Variants in COG4 observed in about 807,000 individuals in gnomAD.
The protein encoded by COG4 is component of oligomeric golgi complex 4, also known as conserved oligomeric Golgi complex subunit 4.
COG4 carries 65 observed loss-of-function variants against 95.1 expected under a neutral mutation model. The observed-to-expected ratio is 0.68, with a 90% CI of 0.56 to 0.84. The LOEUF is 0.84. Ranked by LOEUF, COG4 falls within the 40% of genes least tolerant of loss-of-function variation. The pLI is 0.00. For synonymous variants in COG4, 421 were observed against 374.8 expected, an observed-to-expected ratio of 1.12 and a Z score of -1.42; for missense variants, 1,045 against 989.1, an observed-to-expected ratio of 1.06 and a Z score of -0.76.
intron 5 of COG4, among the ~76,000 whole-genome samples, chr16:70,511,895 G>A (rs2049714738): frequency 6.6e-6 from 1 of 151,548 alleles, no homozygotes; most frequent in South Asian, 2.1e-4. Flanking sequence ...TCATGCCATT[G>A]TACTCCAGCC....
At chr16:70,485,799 G>A (rs1597656749) in intron 13 of COG4, among the ~76,000 whole-genome samples, 1 of 151,776 alleles carries the variant, frequency 6.6e-6, no homozygotes, top group East Asian at 1.9e-4. Flanking sequence ...TGGCCAGGCT[G>A]GTCTTGAACT....
chr16:70,512,284 C>G lies in COG4; in HGVS notation c.693G>C (p.Leu231Phe). 1 of 1,614,184 alleles carries G rather than the reference C, an allele frequency of 6.2e-7. No homozygotes were observed. Among genetic ancestry groups the G allele is most frequent in the Non-Finnish European group, 8.5e-7 (1 of 1,180,034 alleles). Residue 231 changes from leucine (L) to phenylalanine (F), a missense_variant, in exon 5 of 19, where the codon TTG becomes TTC. Physicochemically the swap from Leu to Phe is conservative, Grantham distance 22 (BLOSUM62 0). Transcript: ENST00000323786. Reference protein sequence around the residue: ...RFFKIFPLLGLHEEGLRKFSE... With the variant: ...RFFKIFPLLGFHEEGLRKFSE... Reference sequence around the variant, plus strand: ...AGAACTTTCTTAATCCCTCCTCATGCAAACCCAGCAGTGGGAAGATCTTGA... The same window carrying G: ...AGAACTTTCTTAATCCCTCCTCATGGAAACCCAGCAGTGGGAAGATCTTGA...
rs772226017 is a variant in COG4 at position 70,496,261 on chromosome 16, C to A, written c.1647+5G>T. 6.2e-7 allele frequency: 1 copy of A among 1,614,020 alleles called. No individual in the cohort carries two copies. The highest frequency in any genetic ancestry group is 1.3e-5 in the African/African-American group (1 of 74,920). ...AACCCAGCTCGTGAGCTGTGGGGTA[C>A]CTACCAGGAAGGACATCTTCGCCTC... On this transcript the variant is annotated splice_donor_5th_base_variant and intron_variant, in intron 12 of 18. Coordinates refer to ENST00000323786, the MANE Select transcript of COG4 (RefSeq NM_015386.3).
intron 13 of COG4, among the ~76,000 whole-genome samples, chr16:70,488,496 C>A (rs1364192625): frequency 1.3e-5 from 2 of 152,104 alleles, no homozygotes; most frequent in Admixed American, 1.3e-4. Context: ...TGGCCTCAAG[C>A]AATCCTCCTG....
chr16:70,497,145 G>C, intron 11 of COG4, 76 bp downstream of exon 11: 1 of 1,377,126 alleles, frequency 7.3e-7, no homozygotes, highest in South Asian at 1.2e-5. Flanking sequence ...GAGGACAAAG[G>C]GCAGAAACAA....
intron 12 of COG4, 150 bp from the exon 13 acceptor site, chr16:70,490,542 C>T: frequency 1.4e-6 from 1 of 718,860 alleles, no homozygotes; most frequent in South Asian, 1.4e-5. Flanking sequence ...CACACTGCTA[C>T]ATCTGAGCAG....
chr16:70,490,958 G>A (rs746074875), intron 12 of COG4, among the ~76,000 whole-genome samples: 4 of 151,594 alleles, frequency 2.6e-5, no homozygotes, highest in Admixed American at 6.6e-5. Context: ...TGCGCCCGGC[G>A]AGGTTTCAGG....
chr16:70,499,274 T>C (rs1567381240), intron 9 of COG4, among the ~76,000 whole-genome samples: 1 of 152,220 alleles, frequency 6.6e-6, no homozygotes, highest in Non-Finnish European at 1.5e-5. Flanking sequence ...TGAATTTGAA[T>C]TCATGAATGG....
chr16:70,486,841 C>A (rs1033669790), intron 13 of COG4, among the ~76,000 whole-genome samples: 8 of 151,782 alleles, frequency 5.3e-5, no homozygotes, highest in African/African-American at 1.2e-4. Context: ...CTAAAAAATA[C>A]AAAAATTAGC....
At chr16:70,501,233 T>C (rs2049443470) in intron 8 of COG4, 142 bp from the exon 9 acceptor site, 2 of 814,256 alleles carry the variant, frequency 2.5e-6, no homozygotes, top group South Asian at 3.0e-5. Context: ...CTAGCTCTGC[T>C]GGCCCAATTA....
chr16:70,519,785 G>T, intron 1 of COG4, 54 bp from the exon 2 acceptor site: 3 of 1,322,044 alleles, frequency 2.3e-6, no homozygotes, highest in Non-Finnish European at 2.2e-6. Flanking sequence ...AACCTTAAGA[G>T]TTATCTAATC....
chr16:70,519,631 T>C lies in COG4; in HGVS notation c.254+18A>G, dbSNP rs1230559748. 1 of 1,595,692 alleles carries C rather than the reference T, an allele frequency of 6.3e-7. No homozygotes were observed. Among genetic ancestry groups the C allele is most frequent in the African/African-American group, 1.3e-5 (1 of 74,560 alleles). ...TGTTGGAATTTACATTAGCTCTTGC[T>C]GAGATGCACAGACTCACCCCATTCG... On this transcript the variant is annotated intron_variant, in intron 2 of 18. Coordinates refer to ENST00000323786, the MANE Select transcript of COG4 (RefSeq NM_015386.3).
chr16:70,514,069 G>C (rs2151761423), intron 4 of COG4, among the ~76,000 whole-genome samples: 1 of 152,212 alleles, frequency 6.6e-6, no homozygotes, highest in South Asian at 2.1e-4. Context: ...CATTAGTGAG[G>C]TGTGGTGGTG....
Position 70,483,272 on chromosome 16 carries a change from TCTCTCCTCTCCCCACCCCATCCTC to T in COG4, c.1828-475_1828-452del, listed in dbSNP as rs1373082974. On this transcript the variant is annotated intron_variant, in intron 14 of 18. Transcript: ENST00000323786. The stretch of plus-strand genomic sequence containing the variant: ...CCTTCTCCTCTCCCCATCCCTTCCT[TCTCTCCTCTCCCCACCCCATCCTC>T]CTCTCCTCTCCCCATCCCTTCCCTC... Among the ~76,000 whole-genome samples, 48 of 80,746 alleles carry T rather than the reference TCTCTCCTCTCCCCACCCCATCCTC, an allele frequency of 5.9e-4. 2 individuals are homozygous for T. Among genetic ancestry groups the T allele is most frequent in the African/African-American group, 1.6e-3 (29 of 18,312 alleles). 53.0% of individuals were successfully genotyped at this position (80,746 alleles called of 152,430 possible).
chr16:70,487,302 A>T (rs142234804), intron 13 of COG4, among the ~76,000 whole-genome samples: 6,749 of 151,670 alleles, frequency 0.044, 239 homozygotes, highest in Non-Finnish European at 0.058. Flanking sequence ...AAAATAAAAA[A>T]AAAAAAAGAC....
chr16:70,523,317 G>T, intron 1 of COG4, 56 bp downstream of exon 1: 1 of 1,602,668 alleles, frequency 6.2e-7, no homozygotes, highest in Non-Finnish European at 8.5e-7. Context: ...TTTCCCGACT[G>T]AAGGCTCCCA....
At chr16:70,515,570 G>A (rs960802705) in intron 3 of COG4, among the ~76,000 whole-genome samples, 1 of 152,112 alleles carries the variant, frequency 6.6e-6, no homozygotes, top group Non-Finnish European at 1.5e-5. Context: ...TGTAATCCCA[G>A]CTACTCGGGA....
In COG4 at chr16:70,487,920, G is replaced by A. The variant is rs555759758; in HGVS notation, c.1710+2410C>T. Among the ~76,000 whole-genome samples, 44 of 152,076 alleles carry A rather than the reference G, an allele frequency of 2.9e-4. No individual in the cohort carries two copies. The South Asian group carries it at 5.4e-3, about 19-fold the overall frequency. ...GCTTGCTGCAACCTCTGCCTCCCAG[G>A]TTCAAGCGATTCTCCTGTCTCAGCT... On this transcript the variant is annotated intron_variant, in intron 13 of 18. Coordinates refer to ENST00000323786, the MANE Select transcript of COG4 (RefSeq NM_015386.3).
intron 9 of COG4, among the ~76,000 whole-genome samples, chr16:70,498,285 T>A (rs2049381028): frequency 6.6e-6 from 1 of 152,202 alleles, no homozygotes; most frequent in African/African-American, 2.4e-5. Context: ...TGGCATTTCA[T>A]CAGGTGCATA....
Sources: allele counts gnomAD v4.1 joint callset (sites outside exome capture counted in the v4.1 genomes callset), GRCh38; gene constraint gnomAD v4.1.1; transcripts MANE v1.5; gene names NCBI Gene and HGNC (gene_info 2026-07-23, HGNC 2026-07-21).